Variants in KPNA1 observed in about 807,000 individuals in gnomAD.
The protein encoded by KPNA1 is karyopherin subunit alpha 1.
KPNA1 carries 10 observed loss-of-function variants against 70.5 expected under a neutral mutation model. The observed-to-expected ratio is 0.14, with a 90% CI of 0.09 to 0.24. The LOEUF (loss-of-function observed/expected upper bound fraction) is 0.24. Ranked by LOEUF, KPNA1 falls within the 10% of genes least tolerant of loss-of-function variation. The pLI, the probability that KPNA1 is intolerant of heterozygous loss-of-function variation, is 1.00. For synonymous variants in KPNA1, 192 were observed against 221.9 expected (o/e 0.87, Z 1.20); for missense variants, 397 against 637.9 (o/e 0.62, Z 4.07).
intron 2 of KPNA1, among the ~76,000 whole-genome samples, chr3:122,476,479 T>G (rs549870516): frequency 1.3e-5 from 2 of 152,210 alleles, no homozygotes; most frequent in African/African-American, 4.8e-5. Context: ...AGTGAAGAGA[T>G]AATTTATGCA....
intron 2 of KPNA1, among the ~76,000 whole-genome samples, chr3:122,493,239 A>G (rs2076719561): frequency 3.9e-5 from 6 of 152,212 alleles, no homozygotes; most frequent in Admixed American, 3.9e-4. Context: ...GTTGTAAACT[A>G]ATCAACATAA....
At chr3:122,456,447 A>T (rs886782373) in intron 5 of KPNA1, among the ~76,000 whole-genome samples, 34 of 152,354 alleles carry the variant, frequency 2.2e-4, no homozygotes, top group African/African-American at 8.2e-4. Flanking sequence ...AAAAGAAATT[A>T]TAATAATAAC....
intron 9 of KPNA1, among the ~76,000 whole-genome samples, chr3:122,444,135 G>C (rs997032659): frequency 2.6e-5 from 4 of 151,816 alleles, no homozygotes; most frequent in Non-Finnish European, 4.4e-5. Context: ...AGAACTGAGC[G>C]CTATTTCTCC....
At chr3:122,479,728 C>A (rs1268924900) in intron 2 of KPNA1, among the ~76,000 whole-genome samples, 2 of 152,160 alleles carry the variant, frequency 1.3e-5, no homozygotes, top group African/African-American at 4.8e-5. Flanking sequence ...CCACTGCACT[C>A]TAGCCTAGGC....
intron 2 of KPNA1, among the ~76,000 whole-genome samples, chr3:122,472,888 G>C (rs6771095): frequency 0.38 from 56,999 of 151,730 alleles, 11,131 homozygotes; most frequent in East Asian, 0.54. Context: ...CAAGACCAGT[G>C]TGGCCAACGC....
intron 8 of KPNA1, among the ~76,000 whole-genome samples, chr3:122,450,578 G>A (rs908533353): frequency 7.9e-5 from 12 of 152,068 alleles, no homozygotes; most frequent in African/African-American, 1.9e-4. Context: ...GCAAAACTCC[G>A]TCTCAAAAAA....
chr3:122,460,645 G>GAAAAAA (rs2076314156), intron 5 of KPNA1: 1 of 605,440 alleles, frequency 1.7e-6, no homozygotes, highest in Non-Finnish European at 2.0e-6. Flanking sequence ...TCAAGAAAAA[G>GAAAAAA]AAGAAAAAAA....
intron 10 of KPNA1, among the ~76,000 whole-genome samples, chr3:122,439,631 T>C (rs1224018234): frequency 2.0e-5 from 3 of 152,206 alleles, no homozygotes; most frequent in Non-Finnish European, 4.4e-5. Flanking sequence ...TTATTATTTC[T>C]AGAGGAAGAT....
intron 4 of KPNA1, among the ~76,000 whole-genome samples, chr3:122,463,641 A>AT (rs1190539094): frequency 6.6e-6 from 1 of 152,172 alleles, no homozygotes; most frequent in African/African-American, 2.4e-5. Context: ...AAGTCACTCT[A>AT]TAAAAAAAAG....
chr3:122,502,037 T>G (rs922588216), intron 1 of KPNA1, among the ~76,000 whole-genome samples: 1 of 152,242 alleles, frequency 6.6e-6, no homozygotes, highest in Non-Finnish European at 1.5e-5. Context: ...GATGCAAACC[T>G]GGGTTGAGAA....
At chr3:122,479,073 C>T (rs1025860412) in intron 2 of KPNA1, among the ~76,000 whole-genome samples, 1 of 151,962 alleles carries the variant, frequency 6.6e-6, no homozygotes, top group African/African-American at 2.4e-5. Flanking sequence ...CTGTGAAAGA[C>T]GCTACCAAGA....
At chr3:122,457,984 C>A in intron 5 of KPNA1, 4 of 712,580 alleles carry the variant, frequency 5.6e-6, no homozygotes, top group Non-Finnish European at 7.8e-6. Flanking sequence ...GGAAAAGACA[C>A]AGGAGGATGA....
At chr3:122,429,959 C>CATTCATTG (rs1208302051) in intron 12 of KPNA1, among the ~76,000 whole-genome samples, 1 of 151,920 alleles carries the variant, frequency 6.6e-6, no homozygotes, top group African/African-American at 2.4e-5. Flanking sequence ...TTCATTCATT[C>CATTCATTG]ATTCATGTAT....
chr3:122,481,553 G>A (rs1456927344), intron 2 of KPNA1, among the ~76,000 whole-genome samples: 1 of 152,206 alleles, frequency 6.6e-6, no homozygotes, highest in Non-Finnish European at 1.5e-5. Context: ...CTGCTAATGG[G>A]CATAAGGGGT....
rs1294946736 is a variant in KPNA1, at chr3:122,426,064, A to AG, written c.*920dup. The AG allele has an allele frequency of 2.0e-5, 3 of 152,428 alleles. No individual in the cohort carries two copies. Among genetic ancestry groups the AG allele is most frequent in the African/African-American group, 7.2e-5 (3 of 41,562 alleles). 9.4% of individuals were successfully genotyped at this position (152,428 alleles called of 1,614,324 possible). A position where few individuals can be genotyped will look rare whatever the true frequency, so the allele number is the denominator to read the frequency against. On this transcript the variant is annotated 3_prime_UTR_variant, in exon 14 of 14. Coordinates refer to ENST00000344337, the MANE Select transcript of KPNA1 (RefSeq NM_002264.4). ...ATTTTAATGCAGAAACACAGCCCCTAGTTACACTGATTGCATTTGGGAAAA... is the reference window on the plus strand; with the variant it reads ...ATTTTAATGCAGAAACACAGCCCCTAGGTTACACTGATTGCATTTGGGAAAA...
chr3:122,475,278 ATACT>A (rs1343127985), intron 2 of KPNA1, among the ~76,000 whole-genome samples: 3 of 152,182 alleles, frequency 2.0e-5, no homozygotes. Flanking sequence ...ATAAAATAAA[ATACT>A]TAGGAATAAA....
intron 9 of KPNA1, among the ~76,000 whole-genome samples, chr3:122,446,629 A>G (rs2076142407): frequency 6.6e-6 from 1 of 152,208 alleles, no homozygotes; most frequent in Non-Finnish European, 1.5e-5. Flanking sequence ...AGCAAGAGCA[A>G]ACAAATTCAA....
At chr3:122,431,007 C>T (rs6438727) in intron 12 of KPNA1, among the ~76,000 whole-genome samples, 77,305 of 152,024 alleles carry the variant, frequency 0.51, 20,136 homozygotes, top group East Asian at 0.65. Context: ...CCCTCCAAAA[C>T]TGCCAATTCT....
intron 5 of KPNA1, among the ~76,000 whole-genome samples, chr3:122,455,409 G>A (rs1423998904): frequency 6.6e-6 from 1 of 152,044 alleles, no homozygotes; most frequent in Admixed American, 6.6e-5. Context: ...CAAAAATTCT[G>A]GGGACTTACA....
Sources: gnomAD v4.1 joint callset for allele counts (sites outside exome capture counted in the v4.1 genomes callset) on GRCh38, gnomAD v4.1.1 for gene constraint, MANE v1.5 for transcripts, NCBI Gene and HGNC (gene_info 2026-07-23, HGNC 2026-07-21) for gene names.